ADPRHL1: variants seen among roughly 807,000 people sequenced by gnomAD.
ADPRHL1 encodes the protein inactive ADP-ribosyltransferase ARH2.
In ADPRHL1, 43 loss-of-function variants were observed where a neutral mutation model predicts 44.1. The ratio of observed to expected loss-of-function variants is 0.98; its 90% CI spans 0.76 to 1.26. The LOEUF is 1.26. Among genes scored for constraint, ADPRHL1 ranks in the 50% most tolerant of loss-of-function variants. The probability of loss-of-function intolerance (pLI) is 0.00; values close to 1 mark genes in which losing one functional copy is unlikely to be tolerated. For missense variants in ADPRHL1, 2,022 were observed against 2,496.9 expected, an observed-to-expected ratio of 0.81 and a Z score of 4.05; for synonymous variants, 878 against 1,017.4, an observed-to-expected ratio of 0.86 and a Z score of 2.61.
chr13:113,429,178 C>A, intron 3 of ADPRHL1, 86 bp from the exon 4 acceptor site: 1 of 1,520,282 alleles, frequency 6.6e-7, no homozygotes, highest in African/African-American at 1.4e-5. Context: ...CGTGGGACTC[C>A]CGAGGAAGGG....
At chr13:113,431,218 G>A (rs866611962) in intron 3 of ADPRHL1, among the ~76,000 whole-genome samples, 9 of 152,342 alleles carry the variant, frequency 5.9e-5, no homozygotes, top group Admixed American at 2.6e-4. Context: ...CTGCCCTGCC[G>A]GGGCTGTCGT....
rs796511055 is a variant in ADPRHL1, at chr13:113,439,472, G to A, written c.379+4953C>T. ...TTTTTTTTTTTTTTTTTCCTGAGAC[G>A]GCGTCTTGCTCTGTCGCCAGGCTGG... is the stretch of plus-strand genomic sequence containing the variant. On this transcript the variant is annotated intron_variant, in intron 2 of 7. Coordinates refer to ENST00000612156, the MANE Select transcript of ADPRHL1 (RefSeq NM_001394807.1). Among the ~76,000 whole-genome samples, 57 of 143,962 alleles carry A rather than the reference G, an allele frequency of 4.0e-4. 1 individual carries two copies. The Middle Eastern group carries it at 0.025, about 64-fold the overall frequency. The allele number at this position is 143,962 out of a possible 152,430, so 94.4% of individuals were successfully genotyped here. A position where few individuals can be genotyped will look rare whatever the true frequency, so the allele number is the denominator to read the frequency against.
At chr13:113,431,301 A>G (rs2044005253) in intron 3 of ADPRHL1, among the ~76,000 whole-genome samples, 2 of 152,240 alleles carry the variant, frequency 1.3e-5, no homozygotes, top group African/African-American at 2.4e-5. Context: ...TACATGGAGC[A>G]TGGTTGCCCG....
chr13:113,430,635 A>G (rs575513829), intron 3 of ADPRHL1, among the ~76,000 whole-genome samples: 10 of 152,216 alleles, frequency 6.6e-5, no homozygotes, highest in African/African-American at 2.4e-4. Context: ...CAGTGGTGAC[A>G]GGACCAGTAG....
At chr13:113,450,817 A>G (rs796104641) in intron 1 of ADPRHL1, among the ~76,000 whole-genome samples, 5 of 152,314 alleles carry the variant, frequency 3.3e-5, no homozygotes, top group African/African-American at 1.2e-4. Context: ...GCAGACTAGG[A>G]GTGTGACCAC....
chr13:113,409,104 C>T lies in ADPRHL1; in HGVS notation c.1062-884G>A, dbSNP rs1286829392. On this transcript the variant is annotated intron_variant, in intron 7 of 7. Transcript: ENST00000612156. The surrounding 1 kb of genome is among the most constrained non-coding windows in gnomAD (Gnocchi z 4.2). ...AGTGAGATGTTTTTCTGCAGGTTCA[C>T]CAGGGATTCCTTCCCACCAGCCCAG... Among the ~76,000 whole-genome samples the T allele has an allele frequency of 6.6e-6, 1 of 152,196 alleles. No homozygotes were observed. The highest frequency in any genetic ancestry group is 1.5e-5 in the Non-Finnish European group (1 of 68,042).
intron 7 of ADPRHL1, chr13:113,410,178 C>A (rs1363020586): frequency 2.1e-6 from 2 of 961,286 alleles, no homozygotes; most frequent in Non-Finnish European, 2.5e-6. Context: ...AGATGGAACA[C>A]AGGACTCCGC....
intron 7 of ADPRHL1, among the ~76,000 whole-genome samples, chr13:113,415,231 G>T (rs1268650974): frequency 6.6e-6 from 1 of 152,184 alleles, no homozygotes; most frequent in Non-Finnish European, 1.5e-5. Context: ...TTCTGGAGAC[G>T]CGGACCTGCC....
chr13:113,403,672 CCT>C lies in ADPRHL1; in HGVS notation c.5608_5609del (p.Arg1870GlyfsTer17). 2 of 1,231,948 alleles carry C rather than the reference CCT, an allele frequency of 1.6e-6. No homozygotes were observed. Among genetic ancestry groups the C allele is most frequent in the Non-Finnish European group, 2.0e-6 (2 of 988,206 alleles). The allele number at this position is 1,231,948 out of a possible 1,614,324, so 76.3% of individuals were successfully genotyped here. ...GYPPPGSRPLRGKSIATSPLG... is the reference protein window; with the variant it reads ...GYPPPGSRPLXGKSIATSPLG... ...GGGGAGAGGTGGCAATGCTCTTGCC[CCT>C]GAGGGGGCGGCTTCCTGGGGGTGGG... On this transcript the variant is annotated frameshift_variant, in exon 8 of 8. Transcript: ENST00000612156. LOFTEE classifies it low-confidence loss of function (END_TRUNC).
At chr13:113,431,608 G>A (rs1230141846) in intron 3 of ADPRHL1, among the ~76,000 whole-genome samples, 1 of 152,222 alleles carries the variant, frequency 6.6e-6, no homozygotes, top group Non-Finnish European at 1.5e-5. Flanking sequence ...AATGGAAAAG[G>A]GAGTAGAGTT....
chr13:113,409,535 C>T lies in ADPRHL1; in HGVS notation c.1062-1315G>A, dbSNP rs530550135. The T allele has an allele frequency of 2.7e-5, 27 of 985,340 alleles. No homozygotes were observed. In the Admixed American group the frequency reaches 3.1e-4, roughly 11 times the overall value. 61.0% of individuals were successfully genotyped at this position (985,340 alleles called of 1,614,324 possible). A position where few individuals can be genotyped will look rare whatever the true frequency, so the allele number is the denominator to read the frequency against. On this transcript the variant is annotated intron_variant, in intron 7 of 7. Transcript: ENST00000612156. The surrounding 1 kb of genome is among the most constrained non-coding windows in gnomAD (Gnocchi z 4.2). Reference sequence around the variant, plus strand: ...CATTTGTGGGAGAAGAGTCGGTGGCCGGATGCGGCTGGTGACGTGGTGCCA... The same window carrying T: ...CATTTGTGGGAGAAGAGTCGGTGGCTGGATGCGGCTGGTGACGTGGTGCCA...
At chr13:113,451,312 G>GTTTTATA (rs1454534373) in intron 1 of ADPRHL1, among the ~76,000 whole-genome samples, 9 of 152,146 alleles carry the variant, frequency 5.9e-5, no homozygotes, top group Admixed American at 1.3e-4. Flanking sequence ...AACTATTCTT[G>GTTTTATA]TTTTATTATA....
intron 5 of ADPRHL1, 128 bp downstream of exon 5, chr13:113,424,924 A>G (rs1359378086): frequency 2.7e-5 from 31 of 1,128,280 alleles, no homozygotes; most frequent in East Asian, 1.6e-4. Context: ...ATCATCCAAA[A>G]TCCATCTATC....
intron 3 of ADPRHL1, among the ~76,000 whole-genome samples, chr13:113,429,978 C>T (rs1334275564): frequency 1.3e-5 from 2 of 152,208 alleles, no homozygotes; most frequent in African/African-American, 4.8e-5. Context: ...AGGAAGAAGT[C>T]CGGGAGGCCT....
chr13:113,444,399 G>T, intron 2 of ADPRHL1, 26 bp downstream of exon 2: 2 of 1,609,506 alleles, frequency 1.2e-6, no homozygotes, highest in Non-Finnish European at 1.7e-6. Flanking sequence ...GGTGGCTTTA[G>T]GGGGAGAGGA....
At chr13:113,419,004 C>CT (rs2043900838) in intron 7 of ADPRHL1, among the ~76,000 whole-genome samples, 5 of 150,558 alleles carry the variant, frequency 3.3e-5, no homozygotes, top group African/African-American at 1.2e-4. Flanking sequence ...CCCTCCCTTC[C>CT]TCCCTCCCTT....
intron 1 of ADPRHL1, chr13:113,449,346 C>T: frequency 2.3e-6 from 1 of 444,384 alleles, no homozygotes; most frequent in Non-Finnish European, 3.0e-6. Context: ...GGAGGGAGCC[C>T]TGTTCAGAGA....
intron 5 of ADPRHL1, 73 bp downstream of exon 5, chr13:113,424,979 C>T: frequency 6.4e-7 from 1 of 1,569,058 alleles, no homozygotes; most frequent in African/African-American, 1.4e-5. Context: ...CCCACCCATC[C>T]ATCCACTTGC....
chr13:113,412,744 G>A (rs1177404683), intron 7 of ADPRHL1, among the ~76,000 whole-genome samples: 5 of 146,556 alleles, frequency 3.4e-5, no homozygotes, highest in Non-Finnish European at 4.5e-5. Flanking sequence ...ACAGTGCCCC[G>A]CGGAGCTCGG....
Sources: gnomAD v4.1 joint callset for allele counts (sites outside exome capture counted in the v4.1 genomes callset) on GRCh38, gnomAD v4.1.1 for gene constraint, Gnocchi (gnomAD v3.1) non-coding constraint, MANE v1.5 for transcripts, NCBI Gene and HGNC (gene_info 2026-07-23, HGNC 2026-07-21) for gene names.